PRKN: variants seen among roughly 807,000 people sequenced by gnomAD.
PRKN encodes E3 ubiquitin-protein ligase parkin.
In PRKN, 56 loss-of-function variants were observed where a neutral mutation model predicts 59.5. That is an observed-to-expected ratio of 0.94 (90% CI 0.76 to 1.18). The LOEUF is 1.18. Among genes scored for constraint, PRKN ranks in the 50% most tolerant of loss-of-function variants. PRKN has a pLI of 0.00. For missense variants in PRKN, 657 were observed against 596.4 expected (o/e 1.10, Z -1.06); for synonymous variants, 250 against 222.1 (o/e 1.13, Z -1.12).
chr6:161,605,574 C>T (rs376234484), intron 7 of PRKN, among the ~76,000 whole-genome samples: 5 of 150,474 alleles, frequency 3.3e-5, no homozygotes, highest in African/African-American at 7.3e-5. Context: ...TGCAGTGGCG[C>T]GATCTTGGCT....
At chr6:162,384,297 G>T (rs1464307757) in intron 2 of PRKN, among the ~76,000 whole-genome samples, 1 of 152,086 alleles carries the variant, frequency 6.6e-6, no homozygotes, top group East Asian at 1.9e-4. Context: ...CCTTTCACTT[G>T]AATGCTCAGA....
At chr6:161,642,311 C>G (rs1003970620) in intron 7 of PRKN, among the ~76,000 whole-genome samples, 1 of 152,076 alleles carries the variant, frequency 6.6e-6, no homozygotes, top group Non-Finnish European at 1.5e-5. Flanking sequence ...TAAAGTGTAC[C>G]TTTAACTTGA....
At chr6:161,962,900 T>C (rs1003489010) in intron 6 of PRKN, among the ~76,000 whole-genome samples, 2 of 151,006 alleles carry the variant, frequency 1.3e-5, no homozygotes, top group African/African-American at 2.4e-5. Context: ...ATCCCAGCAA[T>C]TTGGGAGGCT....
At chr6:162,471,913 C>T (rs1445970610) in intron 1 of PRKN, among the ~76,000 whole-genome samples, 1 of 152,148 alleles carries the variant, frequency 6.6e-6, no homozygotes, top group East Asian at 1.9e-4. Context: ...GGTCTGTCCT[C>T]CGATTGAAGA....
At chr6:161,816,538 G>C (rs1791790278) in intron 6 of PRKN, among the ~76,000 whole-genome samples, 1 of 152,020 alleles carries the variant, frequency 6.6e-6, no homozygotes, top group African/African-American at 2.4e-5. Flanking sequence ...AAAATTTCAT[G>C]CACAGAAAAA....
chr6:162,708,550 G>A (rs1170949715), intron 1 of PRKN, among the ~76,000 whole-genome samples: 1 of 152,204 alleles, frequency 6.6e-6, no homozygotes, highest in Non-Finnish European at 1.5e-5. Context: ...TAACAGTGAT[G>A]AAACATTAAA....
intron 6 of PRKN, among the ~76,000 whole-genome samples, chr6:161,821,153 CAAA>C (rs1239835046): frequency 6.6e-6 from 1 of 151,880 alleles, no homozygotes; most frequent in Non-Finnish European, 1.5e-5. Flanking sequence ...TTATATAAAG[CAAA>C]AAGTAAAATC....
rs1233111026 is a variant in PRKN at position 161,414,537 on chromosome 6, T to C, written c.1084-27660A>G. On this transcript the variant is annotated intron_variant, in intron 9 of 11. Transcript: ENST00000366898. This position sits in a 1 kb window ranked among gnomAD's most constrained non-coding sequence, Gnocchi z 5.3. ...AAAATCTTATTTAGAGGAGTCGTGG[T>C]AGAATTATTTATTCACTTCTAGCCT... is the stretch of plus-strand genomic sequence containing the variant. Among the ~76,000 whole-genome samples, 1 of 152,252 alleles carries C rather than the reference T, an allele frequency of 6.6e-6. No homozygotes were observed. The highest frequency in any genetic ancestry group is 1.5e-5 in the Non-Finnish European group (1 of 68,050).
chr6:161,591,086 T>A (rs1264773373), intron 7 of PRKN, among the ~76,000 whole-genome samples: 3 of 152,184 alleles, frequency 2.0e-5, no homozygotes. Flanking sequence ...TATTCTGCAA[T>A]CTTCAGAAGT....
At chr6:161,739,064 C>T (rs1393115180) in intron 7 of PRKN, among the ~76,000 whole-genome samples, 1 of 152,132 alleles carries the variant, frequency 6.6e-6, no homozygotes, top group Non-Finnish European at 1.5e-5. Context: ...TTTAAGCTAA[C>T]TCATTTGACT....
At chr6:161,731,015 C>T (rs1466501945) in intron 7 of PRKN, among the ~76,000 whole-genome samples, 1 of 146,828 alleles carries the variant, frequency 6.8e-6, no homozygotes, top group Non-Finnish European at 1.5e-5. Flanking sequence ...TTCTGAAGTG[C>T]TGCATTCGTT....
intron 2 of PRKN, among the ~76,000 whole-genome samples, chr6:162,348,266 A>G (rs1320035407): frequency 6.6e-6 from 1 of 152,174 alleles, no homozygotes; most frequent in Non-Finnish European, 1.5e-5. Flanking sequence ...ACTGACCCTT[A>G]TTCCAGTTCT....
At chr6:162,151,426 C>T (rs1466334062) in intron 4 of PRKN, among the ~76,000 whole-genome samples, 1 of 152,184 alleles carries the variant, frequency 6.6e-6, no homozygotes. Flanking sequence ...TGCAGCTTCG[C>T]AATTCTTCAC....
intron 6 of PRKN, among the ~76,000 whole-genome samples, chr6:161,790,855 G>A (rs1206469835): frequency 1.3e-5 from 2 of 152,278 alleles, no homozygotes; most frequent in Admixed American, 6.5e-5. Flanking sequence ...AAGTATGGAG[G>A]GAAAGCTGGA....
At position 161,457,286 on chromosome 6, in the gene PRKN, AT is replaced by A. The variant is rs1308247833; in HGVS notation, c.1084-70410del. On this transcript the variant is annotated intron_variant, in intron 9 of 11. Coordinates refer to ENST00000366898, the MANE Select transcript of PRKN (RefSeq NM_004562.3). The surrounding 1 kb of genome is among the most constrained non-coding windows in gnomAD (Gnocchi z 5.0). ...GCAAGGAGGATGGGCAGCTGGGCCA[AT>A]GCAGGATCCAACTATTCAAGATTCC... 1.3e-5 allele frequency among the ~76,000 whole-genome samples: 2 copies of A among 152,236 alleles called. No homozygotes were observed. The highest frequency in any genetic ancestry group is 4.8e-5 in the African/African-American group (2 of 41,460).
chr6:162,526,379 C>T (rs6933096), intron 1 of PRKN, among the ~76,000 whole-genome samples: 39,259 of 149,922 alleles, frequency 0.26, 7,600 homozygotes, highest in African/African-American at 0.55. Context: ...TGGCCGGGCA[C>T]GGTGGGTCAC....
intron 1 of PRKN, among the ~76,000 whole-genome samples, chr6:162,600,681 C>A (rs1359630050): frequency 6.6e-6 from 1 of 152,090 alleles, no homozygotes; most frequent in African/African-American, 2.4e-5. Context: ...GGTTTAGCAC[C>A]ATCCTCTCAG....
At chr6:161,655,891 C>T (rs1226671988) in intron 7 of PRKN, among the ~76,000 whole-genome samples, 1,385 of 50,112 alleles carry the variant, frequency 0.028, 20 homozygotes, top group African/African-American at 0.21. Context: ...CACATACACA[C>T]ACACACACAC....
In PRKN at chr6:162,329,929, G is replaced by A. The variant is rs79932880; in HGVS notation, c.172-67164C>T. ...ATCATCTTGTCGGCCTATCAGAAAC[G>A]GTATCCAATCTACAACATCACAGCA... On this transcript the variant is annotated intron_variant, in intron 2 of 11. Coordinates refer to ENST00000366898, the MANE Select transcript of PRKN (RefSeq NM_004562.3). Among the ~76,000 whole-genome samples the A allele has an allele frequency of 1.6e-3, 236 of 152,162 alleles. 4 individuals carry two copies. The East Asian group carries it at 0.041, about 26-fold the overall frequency.
Sources: allele counts gnomAD v4.1 joint callset (sites outside exome capture counted in the v4.1 genomes callset), GRCh38; gene constraint gnomAD v4.1.1; non-coding constraint Gnocchi (gnomAD v3.1); transcripts MANE v1.5; gene names NCBI Gene and HGNC (gene_info 2026-07-23, HGNC 2026-07-21).